Variants in TUT7 observed in about 807,000 individuals in gnomAD.
TUT7 encodes terminal uridylyltransferase 7.
A neutral mutation model predicts 165.9 loss-of-function variants in TUT7; 33 were observed. The observed-to-expected ratio is 0.20, with a 90% CI of 0.15 to 0.27. The LOEUF (loss-of-function observed/expected upper bound fraction) is 0.27, where lower values mean the gene tolerates loss of function less well. Ranked by LOEUF, TUT7 falls within the 10% of genes least tolerant of loss-of-function variation. The pLI is 1.00. For synonymous variants in TUT7, 552 were observed against 608.1 expected (o/e 0.91, Z 1.36); for missense variants, 1,338 against 1,762.3 (o/e 0.76, Z 4.31).
chr9:86,332,298 T>A (rs1830389522), intron 10 of TUT7, among the ~76,000 whole-genome samples: 1 of 152,078 alleles, frequency 6.6e-6, no homozygotes, highest in South Asian at 2.1e-4. Flanking sequence ...TAAACGCCTA[T>A]CAGTGACACA....
At chr9:86,350,765 ACTT>A (rs1832209647) in intron 2 of TUT7, among the ~76,000 whole-genome samples, 1 of 152,222 alleles carries the variant, frequency 6.6e-6, no homozygotes, top group African/African-American at 2.4e-5. Context: ...TCTCCCTACT[ACTT>A]AACGCCTTTA....
At chr9:86,302,329 A>T (rs1218117769) in intron 25 of TUT7, among the ~76,000 whole-genome samples, 1 of 119,334 alleles carries the variant, frequency 8.4e-6, no homozygotes, top group African/African-American at 3.1e-5. Context: ...GGTTAAGTGG[A>T]ATACAAACAA....
intron 26 of TUT7, among the ~76,000 whole-genome samples, chr9:86,300,268 A>T (rs1319056380): frequency 6.6e-6 from 1 of 152,186 alleles, no homozygotes; most frequent in African/African-American, 2.4e-5. Flanking sequence ...CTCCTGTCTT[A>T]AAAAAAGATA....
At chr9:86,299,072 A>G (rs1251546810) in intron 26 of TUT7, among the ~76,000 whole-genome samples, 1 of 152,162 alleles carries the variant, frequency 6.6e-6, no homozygotes, top group African/African-American at 2.4e-5. Context: ...CAGGTCAGCC[A>G]GAGGAAGGAG....
chr9:86,319,709 G>A (rs700760), intron 14 of TUT7, 39 bp from the exon 15 acceptor site: 13 of 1,341,736 alleles, frequency 9.7e-6, no homozygotes, highest in Non-Finnish European at 7.3e-6. Flanking sequence ...AAAATAAGCC[G>A]GTTGACACTC....
At chr9:86,302,671 C>T (rs1258514747) in intron 25 of TUT7, among the ~76,000 whole-genome samples, 1 of 145,542 alleles carries the variant, frequency 6.9e-6, no homozygotes, top group African/African-American at 2.6e-5. Flanking sequence ...GGCTGGAGTG[C>T]AATGGCGTGA....
At chr9:86,335,612 A>C (rs368303847) in intron 10 of TUT7, among the ~76,000 whole-genome samples, 3 of 152,360 alleles carry the variant, frequency 2.0e-5, no homozygotes, top group African/African-American at 4.8e-5. Context: ...TAGTATACAC[A>C]GTGCTTTAAA....
Position 86,311,696 on chromosome 9 carries a change from T to C in TUT7, c.3275-887A>G, listed in dbSNP as rs1045334430. Among the ~76,000 whole-genome samples the C allele has an allele frequency of 3.5e-5, 5 of 142,092 alleles. No individual in the cohort carries two copies. The highest frequency in any genetic ancestry group is 6.1e-5 in the Non-Finnish European group (4 of 65,916). The allele number at this position is 142,092 out of a possible 152,430, so 93.2% of individuals were successfully genotyped here. ...CCGAAGCTGGACTGTACCGCTGCCATCTCGGCTCACTGCAACCTCCCTGCC... is the reference window on the plus strand; with the variant it reads ...CCGAAGCTGGACTGTACCGCTGCCACCTCGGCTCACTGCAACCTCCCTGCC... On this transcript the variant is annotated intron_variant, in intron 17 of 26. Transcript: ENST00000375963. This position sits in a 1 kb window ranked among gnomAD's most constrained non-coding sequence, Gnocchi z 4.4.
In TUT7 at chr9:86,351,639, C is replaced by T. The variant is rs183201579; in HGVS notation, c.520+1041G>A. Reference sequence around the variant, plus strand: ...TACGCATGGGACACAAATTCAAACACCTTATAGGTAACCAGTGTATGAACT... The same window carrying T: ...TACGCATGGGACACAAATTCAAACATCTTATAGGTAACCAGTGTATGAACT... On this transcript the variant is annotated intron_variant, in intron 2 of 26. Transcript: ENST00000375963. Among the ~76,000 whole-genome samples, 209 of 152,258 alleles carry T rather than the reference C, an allele frequency of 1.4e-3. 1 individual carries two copies. Among genetic ancestry groups the T allele is most frequent in the African/African-American group, 4.7e-3 (197 of 41,544 alleles).
chr9:86,339,170 G>A (rs962943378), intron 8 of TUT7, among the ~76,000 whole-genome samples: 5 of 151,864 alleles, frequency 3.3e-5, no homozygotes, highest in Admixed American at 1.3e-4. Context: ...TTTATTTTTC[G>A]GATTAATAAT....
At chr9:86,292,290 A>C (rs562133952) in intron 26 of TUT7, among the ~76,000 whole-genome samples, 2 of 152,264 alleles carry the variant, frequency 1.3e-5, no homozygotes, top group East Asian at 3.9e-4. Context: ...TAAGGAGTAC[A>C]TATGAAAGAG....
intron 25 of TUT7, chr9:86,301,832 T>TA: frequency 6.1e-6 from 6 of 985,460 alleles, no homozygotes; most frequent in Non-Finnish European, 6.0e-6. Flanking sequence ...TCTAGTGCTG[T>TA]AAAACCAATG....
intron 17 of TUT7, among the ~76,000 whole-genome samples, chr9:86,312,367 G>C (rs1384987136): frequency 1.3e-5 from 2 of 151,576 alleles, no homozygotes; most frequent in Non-Finnish European, 2.9e-5. Context: ...TGAGAAGTGA[G>C]GAGCCCCTCA....
At chr9:86,309,325 A>G (rs745459704) in intron 20 of TUT7, 36 bp from the exon 21 acceptor site, 3 of 1,447,512 alleles carry the variant, frequency 2.1e-6, no homozygotes, top group Non-Finnish European at 2.9e-6. Flanking sequence ...TATGGATTAC[A>G]AACTTAATGC....
intron 25 of TUT7, among the ~76,000 whole-genome samples, chr9:86,302,237 T>C (rs1826988114): frequency 6.6e-6 from 1 of 152,090 alleles, no homozygotes; most frequent in African/African-American, 2.4e-5. Flanking sequence ...AAAACATGTC[T>C]CTCTTGCCCC....
At chr9:86,295,383 A>C (rs958538293) in intron 26 of TUT7, among the ~76,000 whole-genome samples, 5 of 152,194 alleles carry the variant, frequency 3.3e-5, no homozygotes, top group African/African-American at 1.2e-4. Flanking sequence ...TGCAACTACA[A>C]TGAAAGATTT....
chr9:86,345,906 C>A, intron 3 of TUT7, 121 bp from the exon 4 acceptor site: 1 of 731,752 alleles, frequency 1.4e-6, no homozygotes, highest in Non-Finnish European at 2.3e-6. Context: ...ACAGGAGTCT[C>A]ACTATGTTGC....
rs1441603993 is a variant in TUT7 at position 86,308,573 on chromosome 9, C to T, written c.3694G>A (p.Glu1232Lys). The T allele has an allele frequency of 6.2e-7, 1 of 1,613,376 alleles. No homozygotes were observed. Among genetic ancestry groups the T allele is most frequent in the Non-Finnish European group, 8.5e-7 (1 of 1,179,744 alleles). ...CCCAACCATAACTGCCCAACAGATT[C>T]TGTATTTTTTCCACATTCTGACCAA... The part of the protein sequence containing the change: ...TYWSECGKNT[E>K]SVGQLWLGLL... Residue 1232 changes from glutamate to lysine, a missense_variant, in exon 22 of 27, where the codon GAA becomes AAA. Coordinates refer to ENST00000375963, the MANE Select transcript of TUT7 (RefSeq NM_024617.4).
At position 86,322,388 on chromosome 9, in the gene TUT7, G is replaced by T. The variant is rs1399944850; in HGVS notation, c.2965C>A (p.Pro989Thr). 6.2e-7 allele frequency: 1 copy of T among 1,613,996 alleles called. No individual in the cohort carries two copies. Among genetic ancestry groups the T allele is most frequent in the Non-Finnish European group, 8.5e-7 (1 of 1,179,996 alleles). The change falls in exon 14 of 27, where the codon CCT becomes ACT. Residue 989 changes from proline (P) to threonine (T), a missense_variant. Transcript: ENST00000375963. ...PEDFKRIQLE[P>T]LPPLTPKFLN... ...AACTTGGGTGTTAATGGTGGCAGAG[G>T]TTCTAGCTGGATTCTTTTGAAGTCT...
Sources: allele counts gnomAD v4.1 joint callset (sites outside exome capture counted in the v4.1 genomes callset), GRCh38; gene constraint gnomAD v4.1.1; non-coding constraint Gnocchi (gnomAD v3.1); transcripts MANE v1.5; gene names NCBI Gene and HGNC (gene_info 2026-07-23, HGNC 2026-07-21).